The following ATP1A3 variants were observed in gnomAD, a reference collection of about 807,000 sequenced individuals.
ATP1A3 encodes the protein sodium/potassium-transporting ATPase subunit alpha-3.
A neutral mutation model predicts 108.8 loss-of-function variants in ATP1A3; 12 were observed. That is an observed-to-expected ratio of 0.11 (90% confidence interval 0.07 to 0.18). ATP1A3 has a LOEUF of 0.18. Among genes scored for constraint, ATP1A3 ranks in the 10% least tolerant of loss-of-function variants. The probability of loss-of-function intolerance (pLI) is 1.00; values close to 1 mark genes in which losing one functional copy is unlikely to be tolerated. For synonymous variants in ATP1A3, 539 were observed against 564.5 expected (o/e 0.95, Z 0.64); for missense variants, 498 against 1,387.7 (o/e 0.36, Z 10.19).
At position 41,981,966 on chromosome 19, in the gene ATP1A3, G is replaced by A. The variant is rs180710845; in HGVS notation, c.1134C>T (p.Val378=). 71 of 1,614,218 alleles carry A rather than the reference G, an allele frequency of 4.4e-5. No individual in the cohort carries two copies. In the Admixed American group the frequency reaches 6.5e-4, roughly 15 times the overall value. ...TCTGGTTGTCAAACCACATGTGGGCGACTGTCATGCGGTTCTGAGTGAGGG... is the reference window on the plus strand; with the variant it reads ...TCTGGTTGTCAAACCACATGTGGGCAACTGTCATGCGGTTCTGAGTGAGGG... ...TGTLTQNRMT[V]AHMWFDNQIH... is the part of the protein sequence containing the mutation. Residue 378 remains valine (V), a synonymous_variant, in exon 9 of 23, where the codon GTC becomes GTT. Coordinates refer to ENST00000648268, the MANE Select transcript of ATP1A3 (RefSeq NM_152296.5). The surrounding 1 kb of genome is among the most constrained non-coding windows in gnomAD (Gnocchi z 5.0).
At position 41,985,679 on chromosome 19, in the gene ATP1A3, G is replaced by T. The variant is rs954226405; in HGVS notation, c.606+185C>A. On this transcript the variant is annotated intron_variant, in intron 6 of 22. Coordinates refer to ENST00000648268, the MANE Select transcript of ATP1A3 (RefSeq NM_152296.5). The surrounding 1 kb of genome is among the most constrained non-coding windows in gnomAD (Gnocchi z 8.2). ...GCTGGGCCTGGACTCCTGACTGTTG[G>T]GTGAGGAGGTGGCCCAGGGCCTAAA... is the stretch of plus-strand genomic sequence containing the variant. Among the ~76,000 whole-genome samples, 8 of 152,184 alleles carry T rather than the reference G, an allele frequency of 5.3e-5. No homozygotes were observed. The highest frequency in any genetic ancestry group is 1.9e-4 in the African/African-American group (8 of 41,514).
chr19:41,975,549 C>T (rs893752156), intron 16 of ATP1A3, 80 bp downstream of exon 16: 2 of 1,583,088 alleles, frequency 1.3e-6, no homozygotes, highest in African/African-American at 1.3e-5. Context: ...CATCCCCCTG[C>T]AGCCCTGGCC....
At chr19:41,973,448 G>C (rs2075134266) in intron 16 of ATP1A3, among the ~76,000 whole-genome samples, 1 of 152,028 alleles carries the variant, frequency 6.6e-6, no homozygotes, top group Non-Finnish European at 1.5e-5. Flanking sequence ...GATCTTTGAG[G>C]TCTTAATTTG....
chr19:41,993,950 G>C, intron 1 of ATP1A3, 121 bp downstream of exon 1: 2 of 1,532,784 alleles, frequency 1.3e-6, no homozygotes, highest in South Asian at 1.2e-5. Flanking sequence ...CCGGCTCCCC[G>C]GGTCTCGCAG....
intron 1 of ATP1A3, chr19:41,993,296 A>G: frequency 8.1e-7 from 1 of 1,236,400 alleles, no homozygotes; most frequent in Non-Finnish European, 1.1e-6. Context: ...ACAGACAAGG[A>G]CACACGGACA....
chr19:41,971,956 A>G (rs1272226536), intron 16 of ATP1A3, among the ~76,000 whole-genome samples: 2 of 152,200 alleles, frequency 1.3e-5, no homozygotes, highest in Admixed American at 6.5e-5. Context: ...AAACAAAATA[A>G]AGATTAATCC....
Position 41,967,025 on chromosome 19 carries a change from G to T in ATP1A3, c.3014-60C>A. On this transcript the variant is annotated intron_variant, in intron 22 of 22. Transcript: ENST00000648268. The surrounding 1 kb of genome is among the most constrained non-coding windows in gnomAD (Gnocchi z 4.2). ...TAAGAGATGGAGAGAGACAGGCAAGGCGAGCCGCCCAGCAGAGAGAGGGAC... is the reference window on the plus strand; with the variant it reads ...TAAGAGATGGAGAGAGACAGGCAAGTCGAGCCGCCCAGCAGAGAGAGGGAC... The T allele has an allele frequency of 6.4e-7, 1 of 1,551,640 alleles. No individual in the cohort carries two copies. Among genetic ancestry groups the T allele is most frequent in the South Asian group, 1.2e-5 (1 of 84,070 alleles).
chr19:41,991,521 C>T (rs1271612171), intron 1 of ATP1A3, among the ~76,000 whole-genome samples: 1 of 152,066 alleles, frequency 6.6e-6, no homozygotes, highest in Non-Finnish European at 1.5e-5. Flanking sequence ...GATGGAGAGA[C>T]ATGGAGAGAT....
chr19:41,985,019 T>G lies in ATP1A3; in HGVS notation c.892A>C (p.Ile298Leu). Residue 298 changes from isoleucine to leucine, a missense_variant, in exon 8 of 23, where the codon ATC becomes CTC. This residue lies in a region of ATP1A3 where 127 missense variants were observed against 464.0 expected (regional missense o/e 0.27). Coordinates refer to ENST00000648268, the MANE Select transcript of ATP1A3 (RefSeq NM_152296.5). The surrounding 1 kb of genome is among the most constrained non-coding windows in gnomAD (Gnocchi z 8.2). ...VAVFLGVSFF[I>L]LSLILGYTWL... ...GTGTATCCGAGAATGAGGGAGAGGA[T>G]GAAGAAGGAGACACCCAGGAAGACA... 1 of 1,613,986 alleles carries G rather than the reference T, an allele frequency of 6.2e-7. No individual in the cohort carries two copies. Among genetic ancestry groups the G allele is most frequent in the Non-Finnish European group, 8.5e-7 (1 of 1,179,960 alleles).
chr19:41,993,195 G>A (rs1390139656), intron 1 of ATP1A3: 4 of 34,544 alleles, frequency 1.2e-4, no homozygotes, highest in South Asian at 3.9e-4. Context: ...CTTCAGCCCC[G>A]CCCCAGACAC....
In ATP1A3 at chr19:41,981,513, T is replaced by C; in HGVS notation, c.1426A>G (p.Asn476Asp). Residue 476 changes from asparagine (N) to aspartate (D), a missense_variant, in exon 11 of 23, where the codon AAC becomes GAC. Physicochemically the swap from Asn to Asp is conservative, Grantham distance 23 (BLOSUM62 1). This residue lies in a region of ATP1A3 where 92 missense variants were observed against 168.7 expected (regional missense o/e 0.55). Coordinates refer to ENST00000648268, the MANE Select transcript of ATP1A3 (RefSeq NM_152296.5). The surrounding 1 kb of genome is among the most constrained non-coding windows in gnomAD (Gnocchi z 5.0). ...KVAEIPFNST[N>D]KYQLSIHETE... ...AAAGCCCAGAGTACCTGGTATTTGT[T>C]GGTGGAATTGAAGGGAATCTCAGCC... The C allele has an allele frequency of 6.2e-7, 1 of 1,614,234 alleles. No homozygotes were observed. The highest frequency in any genetic ancestry group is 1.3e-5 in the African/African-American group (1 of 75,070).
intron 8 of ATP1A3, chr19:41,984,483 C>G (rs991118828): frequency 3.4e-5 from 6 of 177,638 alleles, no homozygotes. Flanking sequence ...CCTTGGCCCC[C>G]CAAAGTGCTG....
Position 41,967,596 on chromosome 19 carries a change from G to A in ATP1A3, c.2921+66C>T, listed in dbSNP as rs954030120. The A allele has an allele frequency of 3.9e-6, 6 of 1,540,614 alleles. No homozygotes were observed. The highest frequency in any genetic ancestry group is 1.9e-4 in the Middle Eastern group (1 of 5,400). ...GGAGGTGGGGCCTGAGGTTCAGGCTGAGTCTAAGGGAAGGCTCCATGGCAG... is the reference window on the plus strand; with the variant it reads ...GGAGGTGGGGCCTGAGGTTCAGGCTAAGTCTAAGGGAAGGCTCCATGGCAG... On this transcript the variant is annotated intron_variant, in intron 21 of 22. Transcript: ENST00000648268. The surrounding 1 kb of genome is among the most constrained non-coding windows in gnomAD (Gnocchi z 4.2).
Position 41,978,628 on chromosome 19 carries a change from A to G in ATP1A3, c.1608T>C (p.Gly536=), listed in dbSNP as rs2075197844. 1.2e-6 allele frequency: 2 copies of G among 1,613,846 alleles called. No individual in the cohort carries two copies. Among genetic ancestry groups the G allele is most frequent in the Middle Eastern group, 1.7e-4 (1 of 6,058 alleles). The stretch of plus-strand genomic sequence containing the variant: ...CACCAAGCACGCGCTCGCCCAGGCC[A>G]CCGAGCTCAAGGTAGGCATTCTGGA... ...EAFQNAYLEL[G]GLGERVLGFC... Residue 536 remains glycine (G), a synonymous_variant, in exon 12 of 23, where the codon GGT becomes GGC. Coordinates refer to ENST00000648268, the MANE Select transcript of ATP1A3 (RefSeq NM_152296.5). The surrounding 1 kb of genome is among the most constrained non-coding windows in gnomAD (Gnocchi z 8.3).
At position 41,985,553 on chromosome 19, in the gene ATP1A3, G is replaced by T; in HGVS notation, c.607-130C>A. 1 of 991,224 alleles carries T rather than the reference G, an allele frequency of 1.0e-6. No individual in the cohort carries two copies. Among genetic ancestry groups the T allele is most frequent in the Non-Finnish European group, 1.6e-6 (1 of 636,122 alleles). 61.4% of individuals were successfully genotyped at this position (991,224 alleles called of 1,614,324 possible). Reference sequence around the variant, plus strand: ...CTAGAAGCCTGGGTGCCCAGTGGGTGAGTGGTGTGTGGGAGGCCAGAGGCT... The same window carrying T: ...CTAGAAGCCTGGGTGCCCAGTGGGTTAGTGGTGTGTGGGAGGCCAGAGGCT... On this transcript the variant is annotated intron_variant, in intron 6 of 22. Coordinates refer to ENST00000648268, the MANE Select transcript of ATP1A3 (RefSeq NM_152296.5). The surrounding 1 kb of genome is among the most constrained non-coding windows in gnomAD (Gnocchi z 8.2).
Position 41,981,378 on chromosome 19 carries a change from C to G in ATP1A3, c.1437+124G>C. ...CTCTCAAGCTCTCCCTGTTCCTCTCCCCACCAGGCGGGTATTATCATTCCC... is the reference window on the plus strand; with the variant it reads ...CTCTCAAGCTCTCCCTGTTCCTCTCGCCACCAGGCGGGTATTATCATTCCC... On this transcript the variant is annotated intron_variant, in intron 11 of 22. Transcript: ENST00000648268. This position sits in a 1 kb window ranked among gnomAD's most constrained non-coding sequence, Gnocchi z 5.0. The G allele has an allele frequency of 6.8e-7, 1 of 1,474,914 alleles. No individual in the cohort carries two copies. The highest frequency in any genetic ancestry group is 9.4e-7 in the Non-Finnish European group (1 of 1,062,776). 91.4% of individuals were successfully genotyped at this position (1,474,914 alleles called of 1,614,324 possible).
Position 41,968,793 on chromosome 19 carries a change from C to T in ATP1A3, c.2811G>A (p.Gln937=). ...CKTRRNSVFQ[Q]GMKNKILIFG... is the part of the protein sequence containing the mutation. The stretch of plus-strand genomic sequence containing the variant: ...GTGCCCCCGGCCCTCACTTCATGCC[C>T]TGCTGGAAGACCGAGTTCCTCCGGG... The change falls in exon 20 of 23, where the codon CAG becomes CAA. Residue 937 remains glutamine, a synonymous_variant. Coordinates refer to ENST00000648268, the MANE Select transcript of ATP1A3 (RefSeq NM_152296.5). The surrounding 1 kb of genome is among the most constrained non-coding windows in gnomAD (Gnocchi z 5.0). 6.2e-7 allele frequency: 1 copy of T among 1,614,092 alleles called. No individual in the cohort carries two copies. Among genetic ancestry groups the T allele is most frequent in the Admixed American group, 1.7e-5 (1 of 60,024 alleles).
chr19:41,973,241 C>T (rs376745995), intron 16 of ATP1A3, among the ~76,000 whole-genome samples: 6 of 152,074 alleles, frequency 3.9e-5, no homozygotes, highest in African/African-American at 1.4e-4. Flanking sequence ...GGAATGCCCC[C>T]GTTGGAAGTT....
chr19:41,975,935 G>A (rs2075161970), intron 15 of ATP1A3, 138 bp from the exon 16 acceptor site: 5 of 1,214,384 alleles, frequency 4.1e-6, no homozygotes, highest in Non-Finnish European at 5.9e-6. Context: ...CTTCCCCTCA[G>A]ACCTAGGAGT....
Sources: gnomAD v4.1 joint callset for allele counts (sites outside exome capture counted in the v4.1 genomes callset) on GRCh38, gnomAD v4.1.1 for gene constraint, gnomAD v4.1.1 regional missense constraint, Gnocchi (gnomAD v3.1) non-coding constraint, MANE v1.5 for transcripts, NCBI Gene and HGNC (gene_info 2026-07-23, HGNC 2026-07-21) for gene names.